LDLRAD4: variants seen among roughly 807,000 people sequenced by gnomAD.
LDLRAD4 encodes the protein low-density lipoprotein receptor class A domain-containing protein 4.
Under a neutral mutation model 17.0 loss-of-function variants are expected in LDLRAD4, and 5 were observed. The observed-to-expected ratio is 0.29, with a 90% CI of 0.15 to 0.62. The LOEUF (loss-of-function observed/expected upper bound fraction) is 0.62. LDLRAD4 is among the 20% of genes least tolerant of loss of function. The pLI is 0.84. For synonymous variants in LDLRAD4, 168 were observed against 171.8 expected (o/e 0.98, Z 0.17); for missense variants, 340 against 424.7 (o/e 0.80, Z 1.75).
intron 2 of LDLRAD4, among the ~76,000 whole-genome samples, chr18:13,403,382 G>A (rs1284058704): frequency 6.6e-6 from 1 of 152,234 alleles, no homozygotes; most frequent in African/African-American, 2.4e-5. Context: ...GCCTGGTGCA[G>A]TGTCATAGAC....
chr18:13,314,303 A>G (rs1046139849), intron 1 of LDLRAD4, among the ~76,000 whole-genome samples: 20 of 152,272 alleles, frequency 1.3e-4, no homozygotes, highest in Admixed American at 2.0e-4. Context: ...TACAAATAAG[A>G]AGTAACAAAG....
intron 2 of LDLRAD4, among the ~76,000 whole-genome samples, chr18:13,421,644 T>G (rs114946059): frequency 0.023 from 3,557 of 152,226 alleles, 153 homozygotes; most frequent in African/African-American, 0.082. Flanking sequence ...TGGCTGCCCC[T>G]TACTTCTGCC....
intron 3 of LDLRAD4, chr18:13,613,468 T>C (rs1437575841): frequency 6.6e-6 from 1 of 152,214 alleles, no homozygotes; most frequent in African/African-American, 2.4e-5. Context: ...ATGGCTTATG[T>C]ATGTATTTTT....
chr18:13,258,956 C>T (rs2043654273), intron 1 of LDLRAD4, among the ~76,000 whole-genome samples: 1 of 152,190 alleles, frequency 6.6e-6, no homozygotes, highest in Admixed American at 6.5e-5. Flanking sequence ...TGTACAACTT[C>T]CGACCAGCAT....
intron 3 of LDLRAD4, among the ~76,000 whole-genome samples, chr18:13,584,000 C>A (rs1240886894): frequency 2.0e-5 from 3 of 152,166 alleles, no homozygotes; most frequent in African/African-American, 7.2e-5. Flanking sequence ...CCCTTGAGGA[C>A]CACCACCGCC....
intron 3 of LDLRAD4, among the ~76,000 whole-genome samples, chr18:13,564,655 G>A (rs1275352750): frequency 5.3e-5 from 8 of 150,832 alleles, no homozygotes; most frequent in Non-Finnish European, 7.4e-5. Context: ...TGGCGAGTGC[G>A]GCAGGTGAGG....
intron 3 of LDLRAD4, among the ~76,000 whole-genome samples, chr18:13,536,655 C>G (rs1748679545): frequency 6.6e-6 from 1 of 151,446 alleles, no homozygotes; most frequent in South Asian, 2.1e-4. Context: ...TCAGTACAAA[C>G]TTGAATAAAA....
intron 3 of LDLRAD4, among the ~76,000 whole-genome samples, chr18:13,603,651 A>G (rs964872870): frequency 6.6e-5 from 10 of 152,238 alleles, no homozygotes; most frequent in Non-Finnish European, 1.0e-4. Flanking sequence ...GCCCACAGGA[A>G]GCGCCATCTC....
chr18:13,342,477 C>CTTTT (rs10706515), intron 1 of LDLRAD4, among the ~76,000 whole-genome samples: 361 of 38,610 alleles, frequency 9.3e-3, no homozygotes, highest in Non-Finnish European at 0.01. Flanking sequence ...GCCTTCCTGT[C>CTTTT]TTTTTTTTTT....
chr18:13,432,385 G>A (rs2090400802), intron 2 of LDLRAD4, among the ~76,000 whole-genome samples: 1 of 152,244 alleles, frequency 6.6e-6, no homozygotes, highest in African/African-American at 2.4e-5. Context: ...GAAATTACAA[G>A]ATGGGGAGTC....
chr18:13,490,704 T>C (rs2093341303), intron 3 of LDLRAD4: 2 of 152,172 alleles, frequency 1.3e-5, no homozygotes, highest in African/African-American at 4.8e-5. Context: ...TCATCTGTGG[T>C]TTATAGACGT....
intron 1 of LDLRAD4, among the ~76,000 whole-genome samples, chr18:13,378,167 C>T (rs954788374): frequency 2.6e-5 from 4 of 152,118 alleles, no homozygotes; most frequent in African/African-American, 9.7e-5. Flanking sequence ...GCTGTTATAT[C>T]GCTGATCAGT....
chr18:13,393,976 A>G (rs2086468084), intron 2 of LDLRAD4, among the ~76,000 whole-genome samples: 1 of 152,146 alleles, frequency 6.6e-6, no homozygotes, highest in African/African-American at 2.4e-5. Flanking sequence ...ATCTTTTGTG[A>G]TGTGTACAGG....
intron 1 of LDLRAD4, among the ~76,000 whole-genome samples, chr18:13,321,064 G>A (rs148094845): frequency 6.6e-6 from 1 of 152,132 alleles, no homozygotes; most frequent in Non-Finnish European, 1.5e-5. Flanking sequence ...CAGCTCCCCC[G>A]CCCTCTTGTG....
At chr18:13,294,992 G>C (rs1018795706) in intron 1 of LDLRAD4, among the ~76,000 whole-genome samples, 1 of 152,092 alleles carries the variant, frequency 6.6e-6, no homozygotes, top group Non-Finnish European at 1.5e-5. Context: ...CAAGGACTTT[G>C]TAGTATCAAG....
In LDLRAD4 at chr18:13,226,180, C is replaced by CTTTTTTTTTTTTTTTTTTTTTTT; in HGVS notation, c.-467+7213_-467+7214insTTTTTTTTTTTTTTTTTTTTTTT. On this transcript the variant is annotated intron_variant, in intron 1 of 5. Coordinates refer to the LDLRAD4 transcript ENST00000399848. ...GGACTACAGATGCTGCCATGCCTTG[C>CTTTTTTTTTTTTTTTTTTTTTTT]TTTTTTTTTTTTTTTTTTTTTGTAG... is the stretch of plus-strand genomic sequence containing the variant. Among the ~76,000 whole-genome samples, 25 of 52,204 alleles carry CTTTTTTTTTTTTTTTTTTTTTTT rather than the reference C, an allele frequency of 4.8e-4. 8 individuals are homozygous for CTTTTTTTTTTTTTTTTTTTTTTT. The highest frequency in any genetic ancestry group is 1.8e-3 in the East Asian group (3 of 1,636). The allele number at this position is 52,204 out of a possible 152,430, so 34.2% of individuals were successfully genotyped here. A position where few individuals can be genotyped will look rare whatever the true frequency, so the allele number is the denominator to read the frequency against.
chr18:13,492,758 C>T (rs2147128706), intron 3 of LDLRAD4, among the ~76,000 whole-genome samples: 1 of 152,300 alleles, frequency 6.6e-6, no homozygotes. Flanking sequence ...CCAGGTCATG[C>T]CATACCCCCC....
At chr18:13,363,179 A>G (rs1464273985) in intron 1 of LDLRAD4, among the ~76,000 whole-genome samples, 1 of 152,094 alleles carries the variant, frequency 6.6e-6, no homozygotes, top group African/African-American at 2.4e-5. Context: ...AAATACAAAA[A>G]AAATTAGCCA....
rs150226754 is a variant in LDLRAD4 at position 13,623,297 on chromosome 18, G to A, written c.336+2026G>A. ...AGGTCCCTTCAGGGCTGCACACTGC[G>A]TGGCAGGTGAAGACATTCGGCAGCC... On this transcript the variant is annotated intron_variant, in intron 4 of 5. Transcript: ENST00000359446. Among the ~76,000 whole-genome samples, 486 of 152,346 alleles carry A rather than the reference G, an allele frequency of 3.2e-3. 5 individuals are homozygous for A. The South Asian group carries it at 0.033, about 10-fold the overall frequency.
Sources: gnomAD v4.1 joint callset for allele counts (sites outside exome capture counted in the v4.1 genomes callset) on GRCh38, gnomAD v4.1.1 for gene constraint, MANE v1.5 for transcripts, NCBI Gene and HGNC (gene_info 2026-07-23, HGNC 2026-07-21) for gene names.